Variants in SIAE observed in about 807,000 individuals in gnomAD.
SIAE encodes sialic acid acetylesterase.
Under a neutral mutation model 52.6 loss-of-function variants are expected in SIAE, and 39 were observed. That is an observed-to-expected ratio of 0.74 (90% CI 0.57 to 0.97). The LOEUF is 0.97. Among genes scored for constraint, SIAE ranks in the 50% least tolerant of loss-of-function variants. The pLI is 0.00. For synonymous variants in SIAE, 233 were observed against 241.4 expected (o/e 0.97, Z 0.32); for missense variants, 592 against 662.1 (o/e 0.89, Z 1.16).
chr11:124,647,587 G>T, intron 6 of SIAE, 89 bp from the exon 7 acceptor site: 3 of 1,499,158 alleles, frequency 2.0e-6, no homozygotes, highest in Non-Finnish European at 2.8e-6. Flanking sequence ...ATGCCCTGAG[G>T]TAGTGGTCTT....
chr11:124,659,561 G>C (rs1276089151), intron 3 of SIAE: 1 of 146,198 alleles, frequency 6.8e-6, no homozygotes, highest in African/African-American at 2.5e-5. Flanking sequence ...TTGAGCCCAG[G>C]AGTTCTAGGC....
At chr11:124,642,619 G>A (rs916522805) in intron 7 of SIAE, among the ~76,000 whole-genome samples, 46 of 152,306 alleles carry the variant, frequency 3.0e-4, no homozygotes, top group Middle Eastern at 3.4e-3. Context: ...ACAGGGAGCC[G>A]CATCCTTATA....
chr11:124,634,821 CTCAAG>C lies in SIAE; in HGVS notation c.*2125_*2129del, dbSNP rs1374986918. The C allele has an allele frequency of 1.4e-4, 22 of 152,224 alleles. No homozygotes were observed. The South Asian group carries it at 1.9e-3, about 13-fold the overall frequency. The allele number at this position is 152,224 out of a possible 1,614,324, so 9.4% of individuals were successfully genotyped here. A position where few individuals can be genotyped will look rare whatever the true frequency, so the allele number is the denominator to read the frequency against. On this transcript the variant is annotated 3_prime_UTR_variant, in exon 10 of 10. Transcript: ENST00000263593. ...ATATGTACTGTATAAAATTATATAA[CTCAAG>C]TCAAGTGAATGGTTCAGCAAAATAG...
At chr11:124,658,049 G>A (rs899432154) in intron 3 of SIAE, among the ~76,000 whole-genome samples, 9 of 152,116 alleles carry the variant, frequency 5.9e-5, no homozygotes, top group Non-Finnish European at 1.3e-4. Context: ...ACAGACGCTG[G>A]GAGAGAGCAC....
chr11:124,673,771 T>C (rs1188791353), upstream of SIAE: 1 of 1,577,576 alleles, frequency 6.3e-7, no homozygotes, highest in Admixed American at 1.8e-5. Flanking sequence ...GGGCGGGGCC[T>C]GGGCGGGGGC....
At chr11:124,640,000 A>C (rs1942818932) in intron 7 of SIAE, 133 bp from the exon 8 acceptor site, 3 of 1,095,130 alleles carry the variant, frequency 2.7e-6, no homozygotes, top group Non-Finnish European at 4.1e-6. Flanking sequence ...TGAGCTTCTT[A>C]CTGTTGTGGC....
chr11:124,647,512 A>T lies in SIAE; in HGVS notation c.833-14T>A. The T allele has an allele frequency of 6.2e-7, 1 of 1,614,036 alleles. No individual in the cohort carries two copies. Among genetic ancestry groups the T allele is most frequent in the Non-Finnish European group, 8.5e-7 (1 of 1,180,006 alleles). On this transcript the variant is annotated splice_polypyrimidine_tract_variant and intron_variant, in intron 6 of 9. Transcript: ENST00000263593. ...TATTGGACTCCCCTAAAAACAGTCC[A>T]AATTGTAAAGGGAGTTTGGAGTAGA...
At chr11:124,639,512 A>C (rs1393857471) in intron 8 of SIAE, among the ~76,000 whole-genome samples, 198 bp downstream of exon 8, 1 of 152,228 alleles carries the variant, frequency 6.6e-6, no homozygotes, top group Non-Finnish European at 1.5e-5. Context: ...TAACAGAGAG[A>C]GTGACCAAGA....
intron 9 of SIAE, 134 bp from the exon 10 acceptor site, chr11:124,637,336 A>T (rs1942766151): frequency 1.6e-6 from 2 of 1,256,994 alleles, no homozygotes; most frequent in Non-Finnish European, 2.3e-6. Context: ...TACAGTAAGC[A>T]GAACAAACCT....
chr11:124,655,386 C>T (rs1018754667), intron 3 of SIAE, among the ~76,000 whole-genome samples: 3 of 151,990 alleles, frequency 2.0e-5, no homozygotes, highest in African/African-American at 4.8e-5. Context: ...CGTGTTAGCC[C>T]GGATGGTCTC....
chr11:124,658,227 AGTGT>A (rs1462141860), intron 3 of SIAE, among the ~76,000 whole-genome samples: 2 of 149,132 alleles, frequency 1.3e-5, no homozygotes, highest in Admixed American at 6.6e-5. Context: ...CATGCGTGTG[AGTGT>A]GTGTCTGTGC....
chr11:124,655,434 C>CA (rs1943084634), intron 3 of SIAE, among the ~76,000 whole-genome samples: 1 of 152,192 alleles, frequency 6.6e-6, no homozygotes, highest in Non-Finnish European at 1.5e-5. Context: ...CTTGGCCTCC[C>CA]AGAGTGCTGG....
chr11:124,639,772 C>T lies in SIAE; in HGVS notation c.1062G>A (p.Lys354=), dbSNP rs1942814119. Residue 354 remains lysine, a synonymous_variant, in exon 8 of 10, where the codon AAG becomes AAA. Coordinates refer to ENST00000263593, the MANE Select transcript of SIAE (RefSeq NM_170601.5). ...CTACAGCCATGAAAGTATTGGGCAT[C>T]TTTGGGTTGGGGACATAGCCGAAGT... ...TADFGYVPNP[K]MPNTFMAVAM... 6.2e-7 allele frequency: 1 copy of T among 1,614,064 alleles called. No homozygotes were observed. Among genetic ancestry groups the T allele is most frequent in the African/African-American group, 1.3e-5 (1 of 74,934 alleles).
At chr11:124,647,129 G>A (rs1942946714) in intron 7 of SIAE, among the ~76,000 whole-genome samples, 1 of 152,040 alleles carries the variant, frequency 6.6e-6, no homozygotes, top group Admixed American at 6.5e-5. Flanking sequence ...TTTTAAATAA[G>A]AAATATTAGT....
chr11:124,638,622 G>A lies in SIAE; in HGVS notation c.1240C>T (p.Leu414Phe), dbSNP rs761097909. 6.2e-7 allele frequency: 1 copy of A among 1,614,152 alleles called. No homozygotes were observed. The highest frequency in any genetic ancestry group is 1.3e-5 in the African/African-American group (1 of 75,036). The change falls in exon 9 of 10, where the codon CTC becomes TTC. Residue 414 changes from leucine to phenylalanine, a missense_variant. Physicochemically the swap from Leu to Phe is conservative, Grantham distance 22. Coordinates refer to ENST00000263593, the MANE Select transcript of SIAE (RefSeq NM_170601.5). The part of the protein sequence containing the change: ...FEGPLPEKIE[L>F]LAHKGLLNLT... ...TTGAGCAGCCCCTTGTGAGCCAAGA[G>A]TTCTATCTTCTCAGGCAGTGGTCCT...
At chr11:124,653,909 T>G (rs566751699) in intron 4 of SIAE, among the ~76,000 whole-genome samples, 1 of 152,298 alleles carries the variant, frequency 6.6e-6, no homozygotes, top group Admixed American at 6.5e-5. Flanking sequence ...CCGGGTGCAG[T>G]GGCTCACGCC....
intron 4 of SIAE, chr11:124,654,265 G>T (rs1943061362): frequency 1.0e-6 from 1 of 985,290 alleles, no homozygotes; most frequent in African/African-American, 1.7e-5. Context: ...ATTAAAGAAG[G>T]CTCTGGAGAA....
At position 124,654,460 on chromosome 11, in the gene SIAE, G is replaced by A. The variant is rs548518178; in HGVS notation, c.544+195C>T. ...AGGAAGACTCATTTCCCCACAGCAA[G>A]AGGGAAGATTTGTTGGTAGTCTTGG... On this transcript the variant is annotated intron_variant, in intron 4 of 9. Transcript: ENST00000263593. The A allele has an allele frequency of 5.1e-6, 5 of 985,466 alleles. No homozygotes were observed. In the Admixed American group the frequency reaches 1.8e-4, roughly 36 times the overall value. The allele number at this position is 985,466 out of a possible 1,614,324, so 61.0% of individuals were successfully genotyped here. A position where few individuals can be genotyped will look rare whatever the true frequency, so the allele number is the denominator to read the frequency against.
chr11:124,656,309 T>C (rs1480519701), intron 3 of SIAE, among the ~76,000 whole-genome samples: 2 of 152,252 alleles, frequency 1.3e-5, no homozygotes, highest in Admixed American at 1.3e-4. Flanking sequence ...AATCTGCACA[T>C]GTGGAACTGG....
Sources: gnomAD v4.1 joint callset for allele counts (sites outside exome capture counted in the v4.1 genomes callset) on GRCh38, gnomAD v4.1.1 for gene constraint, MANE v1.5 for transcripts, NCBI Gene and HGNC (gene_info 2026-07-23, HGNC 2026-07-21) for gene names.